VPS37A: variants seen among roughly 807,000 people sequenced by gnomAD.
VPS37A encodes the protein vacuolar protein sorting-associated protein 37A.
Under a neutral mutation model 49.8 loss-of-function variants are expected in VPS37A, and 30 were observed. The observed-to-expected ratio is 0.60, with a 90% CI of 0.45 to 0.82. VPS37A has a LOEUF of 0.82. VPS37A is among the 40% of genes least tolerant of loss of function. VPS37A has a pLI of 0.00. For missense variants in VPS37A, 593 were observed against 464.4 expected, an observed-to-expected ratio of 1.28 and a Z score of -2.55; for synonymous variants, 195 against 160.6, an observed-to-expected ratio of 1.21 and a Z score of -1.62.
chr8:17,270,911 TG>T (rs1431141492), intron 4 of VPS37A, among the ~76,000 whole-genome samples: 5 of 152,128 alleles, frequency 3.3e-5, no homozygotes, highest in Non-Finnish European at 7.3e-5. Flanking sequence ...CAATTCCTCT[TG>T]ATCTGAAGAC....
chr8:17,294,510 G>A (rs1412985252), intron 11 of VPS37A, among the ~76,000 whole-genome samples: 2 of 152,180 alleles, frequency 1.3e-5, no homozygotes, highest in Admixed American at 1.3e-4. Context: ...AATTCCTGCA[G>A]CTAGCTCGAT....
intron 1 of VPS37A, among the ~76,000 whole-genome samples, chr8:17,249,402 A>T (rs1034099342): frequency 6.6e-6 from 1 of 152,212 alleles, no homozygotes; most frequent in Admixed American, 6.5e-5. Flanking sequence ...ATTGGACATG[A>T]TTACATTAGA....
downstream of VPS37A, chr8:17,302,300 G>A (rs768076644): frequency 4.2e-5 from 67 of 1,610,712 alleles, no homozygotes; most frequent in East Asian, 4.9e-4. Context: ...ATGGCAAAGC[G>A]TCGTGATACC....
intron 1 of VPS37A, among the ~76,000 whole-genome samples, chr8:17,252,126 AAC>A (rs1248056914): frequency 2.0e-5 from 3 of 152,296 alleles, no homozygotes; most frequent in South Asian, 2.1e-4. Context: ...ATTTATTATC[AAC>A]AGTCAAAATT....
chr8:17,310,798 T>C, the VPS37A span, among the ~76,000 whole-genome samples: 1 of 152,208 alleles, frequency 6.6e-6, no homozygotes, highest in Non-Finnish European at 1.5e-5. Flanking sequence ...GCATCTTGTG[T>C]AGCACGGATT....
intron 10 of VPS37A, among the ~76,000 whole-genome samples, chr8:17,285,560 T>C (rs189353380): frequency 1.2e-3 from 180 of 152,336 alleles, no homozygotes; most frequent in Admixed American, 2.7e-3. Flanking sequence ...GTAAACTTTA[T>C]GAAACATCTG....
At chr8:17,254,941 G>C (rs954251427) in intron 1 of VPS37A, among the ~76,000 whole-genome samples, 4 of 152,040 alleles carry the variant, frequency 2.6e-5, no homozygotes, top group African/African-American at 9.7e-5. Flanking sequence ...TTATTTGCAA[G>C]ATTCACCTAT....
chr8:17,299,556 A>T (rs896252042), downstream of VPS37A: 10 of 266,844 alleles, frequency 3.7e-5, no homozygotes, highest in Non-Finnish European at 6.4e-5. Flanking sequence ...TATGACAAGG[A>T]AGATAGATAC....
At chr8:17,302,781 C>T (rs76761439), downstream of VPS37A, among the ~76,000 whole-genome samples, 19 of 128,944 alleles carry the variant, frequency 1.5e-4, no homozygotes, top group African/African-American at 4.9e-4. Flanking sequence ...GGTGTGATAT[C>T]GGCTCCTTGC....
Position 17,247,322 on chromosome 8 carries a change from G to C in VPS37A, c.78G>C (p.Gln26His). The change falls in exon 1 of 12, where the codon CAG (glutamine) becomes CAC (histidine). Residue 26 changes from glutamine (Q) to histidine (H), a missense_variant. Transcript: ENST00000324849. ...CCCCCGGTGGCCTCACCAGCCTCCA[G>C]CAGCAGAAGCAGCGCCTGATCGAGT... ...AGSPGGLTSL[Q>H]QQKQRLIESL... The C allele has an allele frequency of 6.5e-7, 1 of 1,548,330 alleles. No homozygotes were observed. The highest frequency in any genetic ancestry group is 8.7e-7 in the Non-Finnish European group (1 of 1,145,616).
downstream of VPS37A, chr8:17,300,094 C>A (rs760329234): frequency 1.2e-6 from 2 of 1,614,132 alleles, no homozygotes; most frequent in East Asian, 4.5e-5. Flanking sequence ...TTTCATATTC[C>A]CACTGTAATC....
the VPS37A span, among the ~76,000 whole-genome samples, chr8:17,323,799 C>T: frequency 6.6e-6 from 1 of 152,152 alleles, no homozygotes; most frequent in South Asian, 2.1e-4. Flanking sequence ...CCTTTTATCA[C>T]TAACATTAGC....
At chr8:17,322,168 T>G in the VPS37A span, among the ~76,000 whole-genome samples, 1 of 152,116 alleles carries the variant, frequency 6.6e-6, no homozygotes, top group Non-Finnish European at 1.5e-5. Flanking sequence ...TTTGGAGTCA[T>G]GAAGCCAAGA....
At chr8:17,313,499 G>T in the VPS37A span, 2 of 731,788 alleles carry the variant, frequency 2.7e-6, no homozygotes, top group Non-Finnish European at 4.4e-6. Flanking sequence ...TTCCTTTGTT[G>T]TATTAGGTAT....
At chr8:17,260,722 T>G (rs748967565) in intron 1 of VPS37A, among the ~76,000 whole-genome samples, 3 of 152,216 alleles carry the variant, frequency 2.0e-5, no homozygotes, top group Non-Finnish European at 2.9e-5. Flanking sequence ...CTTTGCTGGT[T>G]ACAGTATTTT....
At chr8:17,313,470 A>G in the VPS37A span, 1 of 1,022,618 alleles carries the variant, frequency 9.8e-7, no homozygotes, top group Middle Eastern at 2.1e-4. Context: ...ATCATGTTTT[A>G]TAGGTAGTTT....
intron 11 of VPS37A, among the ~76,000 whole-genome samples, chr8:17,291,587 T>G (rs1261187733): frequency 3.9e-5 from 6 of 152,124 alleles, no homozygotes; most frequent in African/African-American, 1.4e-4. Context: ...TTTTTTAGAT[T>G]TTTACCGCTT....
chr8:17,273,858 T>G (rs906743193), intron 4 of VPS37A, among the ~76,000 whole-genome samples: 2 of 152,192 alleles, frequency 1.3e-5, no homozygotes, highest in African/African-American at 4.8e-5. Flanking sequence ...CATAAAAAAT[T>G]AATACATTTT....
intron 11 of VPS37A, among the ~76,000 whole-genome samples, chr8:17,286,899 A>G (rs1815650298): frequency 6.6e-6 from 1 of 152,140 alleles, no homozygotes; most frequent in Admixed American, 6.5e-5. Flanking sequence ...GATCTTCCTA[A>G]AATACCACTT....
Sources: allele counts gnomAD v4.1 joint callset (sites outside exome capture counted in the v4.1 genomes callset), GRCh38; gene constraint gnomAD v4.1.1; transcripts MANE v1.5; gene names NCBI Gene and HGNC (gene_info 2026-07-23, HGNC 2026-07-21).